Variants in PTPRM observed in about 807,000 individuals in gnomAD.
The protein encoded by PTPRM is protein tyrosine phosphatase receptor type M.
PTPRM carries 47 observed loss-of-function variants against 186.7 expected under a neutral mutation model. The observed-to-expected ratio is 0.25, with a 90% CI of 0.20 to 0.32. PTPRM has a LOEUF of 0.32. Ranked by LOEUF, PTPRM falls within the 10% of genes least tolerant of loss-of-function variation. PTPRM has a pLI of 1.00. For synonymous variants in PTPRM, 668 were observed against 674.9 expected (o/e 0.99, Z 0.16); for missense variants, 1,494 against 1,865.0 (o/e 0.80, Z 3.66).
intron 20 of PTPRM, among the ~76,000 whole-genome samples, chr18:8,309,499 C>T (rs2095252076): frequency 6.6e-6 from 1 of 151,924 alleles, no homozygotes; most frequent in African/African-American, 2.4e-5. Flanking sequence ...GAATATAAGA[C>T]ACAGCTCCTC....
chr18:8,286,903 G>C (rs2094962861), intron 19 of PTPRM, among the ~76,000 whole-genome samples: 1 of 151,818 alleles, frequency 6.6e-6, no homozygotes, highest in South Asian at 2.1e-4. Flanking sequence ...GTCAAAAAAA[G>C]AGTCACAAAT....
intron 1 of PTPRM, among the ~76,000 whole-genome samples, chr18:7,760,729 A>G (rs1331734813): frequency 6.6e-6 from 1 of 152,248 alleles, no homozygotes; most frequent in Non-Finnish European, 1.5e-5. Flanking sequence ...ACACACACAT[A>G]TATGCAGAAT....
chr18:8,054,674 A>G (rs2087787185), intron 7 of PTPRM, among the ~76,000 whole-genome samples: 1 of 152,038 alleles, frequency 6.6e-6, no homozygotes, highest in Non-Finnish European at 1.5e-5. Context: ...TTCTGTATAT[A>G]TAAAAAGCTC....
chr18:8,383,721 G>A, intron 29 of PTPRM, among the ~76,000 whole-genome samples: 1 of 152,202 alleles, frequency 6.6e-6, no homozygotes. Context: ...AGCTGCAAGG[G>A]TTTGGACTGG....
Position 8,126,817 on chromosome 18 carries a change from G to A in PTPRM, c.2167+11990G>A, listed in dbSNP as rs148458890. On this transcript the variant is annotated intron_variant, in intron 13 of 32. Coordinates refer to ENST00000580170, the MANE Select transcript of PTPRM (RefSeq NM_001105244.2). ...ATTAGCTTAGTTAGTAGCAGTAACA[G>A]CAGGTACAAAGGTCCGGTGGTGTGA... 4.2e-3 allele frequency among the ~76,000 whole-genome samples: 644 copies of A among 152,230 alleles called. 4 individuals carry two copies. Among genetic ancestry groups the A allele is most frequent in the African/African-American group, 0.015 (605 of 41,560 alleles).
At chr18:8,322,415 C>T (rs1007480305) in intron 22 of PTPRM, among the ~76,000 whole-genome samples, 33 of 152,160 alleles carry the variant, frequency 2.2e-4, no homozygotes, top group Non-Finnish European at 4.4e-4. Context: ...TTCCTATCTC[C>T]CCTTGGTTTA....
At chr18:7,905,193 C>T (rs1045143779) in intron 3 of PTPRM, among the ~76,000 whole-genome samples, 1 of 152,110 alleles carries the variant, frequency 6.6e-6, no homozygotes, top group Non-Finnish European at 1.5e-5. Context: ...GGGGTTTCAC[C>T]ATATTGGCCA....
At chr18:8,304,924 C>T (rs1015082029) in intron 20 of PTPRM, among the ~76,000 whole-genome samples, 1 of 151,000 alleles carries the variant, frequency 6.6e-6, no homozygotes, top group African/African-American at 2.4e-5. Flanking sequence ...TAAAGTAGTA[C>T]GTAAAATCAT....
intron 1 of PTPRM, among the ~76,000 whole-genome samples, chr18:7,708,940 A>G (rs1267978982): frequency 6.6e-6 from 1 of 152,182 alleles, no homozygotes; most frequent in African/African-American, 2.4e-5. Flanking sequence ...AGGTTTGCTC[A>G]CTTCATGGAA....
At chr18:7,812,987 T>C (rs1163975343) in intron 2 of PTPRM, among the ~76,000 whole-genome samples, 1 of 152,232 alleles carries the variant, frequency 6.6e-6, no homozygotes, top group African/African-American at 2.4e-5. Flanking sequence ...GTGCTATTCA[T>C]GTGCACCTAG....
chr18:7,806,335 C>G (rs541038663), intron 2 of PTPRM, among the ~76,000 whole-genome samples: 1 of 152,088 alleles, frequency 6.6e-6, no homozygotes, highest in African/African-American at 2.4e-5. Flanking sequence ...ATTATGAGCT[C>G]ACAGACAAAT....
At chr18:7,948,654 C>T (rs576366631) in intron 5 of PTPRM, among the ~76,000 whole-genome samples, 1 of 152,144 alleles carries the variant, frequency 6.6e-6, no homozygotes, top group Admixed American at 6.5e-5. Flanking sequence ...TTTTGTATAT[C>T]CAGGAAGAAC....
chr18:8,367,093 G>C (rs1228823731), intron 23 of PTPRM: 1 of 152,150 alleles, frequency 6.6e-6, no homozygotes, highest in Non-Finnish European at 1.5e-5. Context: ...TCTAAATGCA[G>C]AGAGAACGAA....
chr18:8,388,748 T>G (rs1373533030), intron 31 of PTPRM, among the ~76,000 whole-genome samples: 1 of 152,074 alleles, frequency 6.6e-6, no homozygotes, highest in Non-Finnish European at 1.5e-5. Context: ...GATCACGAGG[T>G]CAGGAGATCA....
intron 6 of PTPRM, among the ~76,000 whole-genome samples, chr18:7,951,928 C>T (rs73381859): frequency 0.019 from 2,859 of 152,138 alleles, 101 homozygotes; most frequent in African/African-American, 0.066. Context: ...GAGTTTTTAA[C>T]CTTTTAAGGT....
chr18:8,056,737 G>C (rs1480028131), intron 7 of PTPRM, among the ~76,000 whole-genome samples: 1 of 137,484 alleles, frequency 7.3e-6, no homozygotes, highest in Non-Finnish European at 1.6e-5. Context: ...GCCTTGAAAT[G>C]CAGCCTTTTT....
intron 1 of PTPRM, among the ~76,000 whole-genome samples, chr18:7,658,357 TATAC>T (rs532716399): frequency 5.8e-5 from 8 of 138,106 alleles, no homozygotes; most frequent in Non-Finnish European, 9.1e-5. Context: ...TATATATATA[TATAC>T]ATACACACAC....
chr18:7,924,807 T>TC (rs1343323682), intron 4 of PTPRM, among the ~76,000 whole-genome samples: 1 of 152,050 alleles, frequency 6.6e-6, no homozygotes, highest in Non-Finnish European at 1.5e-5. Flanking sequence ...CCTTGAAAAT[T>TC]CCCGCAGGCA....
intron 11 of PTPRM, among the ~76,000 whole-genome samples, chr18:8,111,158 A>G (rs986257388): frequency 1.3e-5 from 2 of 152,252 alleles, no homozygotes; most frequent in African/African-American, 2.4e-5. Context: ...TAGCACTTCC[A>G]GTATGGAATA....
Sources: gnomAD v4.1 joint callset for allele counts (sites outside exome capture counted in the v4.1 genomes callset) on GRCh38, gnomAD v4.1.1 for gene constraint, MANE v1.5 for transcripts, NCBI Gene and HGNC (gene_info 2026-07-23, HGNC 2026-07-21) for gene names.